PRKCB: variants seen among roughly 807,000 people sequenced by gnomAD.
PRKCB encodes protein kinase C beta, also known as protein kinase C beta type.
In PRKCB, 13 loss-of-function variants were observed where a neutral mutation model predicts 81.5. The ratio of observed to expected loss-of-function variants is 0.16; its 90% CI spans 0.10 to 0.25. PRKCB has a LOEUF of 0.25. Ranked by LOEUF, PRKCB falls within the 10% of genes least tolerant of loss-of-function variation. The probability of loss-of-function intolerance (pLI) is 1.00; values close to 1 mark genes in which losing one functional copy is unlikely to be tolerated. For synonymous variants in PRKCB, 335 were observed against 321.4 expected, an observed-to-expected ratio of 1.04 and a Z score of -0.45; for missense variants, 509 against 875.7, an observed-to-expected ratio of 0.58 and a Z score of 5.29.
intron 7 of PRKCB, among the ~76,000 whole-genome samples, chr16:24,112,018 G>A (rs1269806310): frequency 1.2e-4 from 18 of 152,220 alleles, no homozygotes; most frequent in Admixed American, 1.1e-3. Context: ...TATGAGATGA[G>A]ATTTGCACCC....
chr16:24,057,695 G>A (rs1405720648), intron 5 of PRKCB, among the ~76,000 whole-genome samples: 1 of 152,124 alleles, frequency 6.6e-6, no homozygotes, highest in Non-Finnish European at 1.5e-5. Flanking sequence ...CAACCCATGG[G>A]GTTGTGATAG....
chr16:24,082,331 A>AG (rs1392600828), intron 5 of PRKCB, among the ~76,000 whole-genome samples: 1 of 152,224 alleles, frequency 6.6e-6, no homozygotes, highest in Admixed American at 6.5e-5. Context: ...AAATCCCAGC[A>AG]GGATTTTTTG....
intron 2 of PRKCB, among the ~76,000 whole-genome samples, chr16:23,874,568 C>CTTTTTT (rs58560122): frequency 7.5e-5 from 10 of 133,050 alleles, no homozygotes; most frequent in African/African-American, 1.1e-4. Context: ...ATTCTTCTCT[C>CTTTTTT]TTTTTTTTTT....
intron 7 of PRKCB, among the ~76,000 whole-genome samples, chr16:24,096,511 A>T (rs913117331): frequency 1.3e-4 from 20 of 151,582 alleles, no homozygotes; most frequent in African/African-American, 4.8e-4. Context: ...CCACTGTCAG[A>T]TGGTGTCTGA....
intron 2 of PRKCB, among the ~76,000 whole-genome samples, chr16:23,875,083 C>T (rs1463186361): frequency 6.9e-6 from 1 of 144,616 alleles, no homozygotes; most frequent in Non-Finnish European, 1.5e-5. Context: ...GTTGCCCAGG[C>T]TGGAGTGTGG....
chr16:24,076,690 T>C (rs1192069754), intron 5 of PRKCB, among the ~76,000 whole-genome samples: 1 of 152,190 alleles, frequency 6.6e-6, no homozygotes, highest in African/African-American at 2.4e-5. Context: ...CAAGTGTGCC[T>C]TTAACTCACT....
chr16:24,012,503 T>C (rs1334454340), intron 3 of PRKCB, among the ~76,000 whole-genome samples: 2 of 152,204 alleles, frequency 1.3e-5, no homozygotes, highest in African/African-American at 4.8e-5. Context: ...TCTCCCTGCT[T>C]CCTCTCTGTC....
At chr16:24,193,464 T>TAAATA (rs375658046) in intron 16 of PRKCB, among the ~76,000 whole-genome samples, 15,843 of 96,098 alleles carry the variant, frequency 0.16, 1,109 homozygotes, top group Admixed American at 0.23. Context: ...AATAAATAAA[T>TAAATA]AAATAAATAA....
Position 24,157,352 on chromosome 16 carries a change from G to A in PRKCB, c.1239+2495G>A, listed in dbSNP as rs550592296. Among the ~76,000 whole-genome samples, 8 of 152,270 alleles carry A rather than the reference G, an allele frequency of 5.3e-5. No individual in the cohort carries two copies. In the South Asian group the frequency reaches 8.3e-4, roughly 16 times the overall value. On this transcript the variant is annotated intron_variant, in intron 10 of 16. Coordinates refer to ENST00000643927, the MANE Select transcript of PRKCB (RefSeq NM_002738.7). ...ATGTCGTGGGAGGGACCAAGTGGGA[G>A]GTAATTGAATCATGGGGGCGGTTAC...
chr16:24,119,348 C>G (rs184469957), intron 8 of PRKCB, among the ~76,000 whole-genome samples: 6 of 152,074 alleles, frequency 3.9e-5, no homozygotes, highest in African/African-American at 1.4e-4. Flanking sequence ...CTTCCCACCC[C>G]CCCAAAAAAG....
chr16:23,862,245 A>T (rs1425767822), intron 2 of PRKCB, among the ~76,000 whole-genome samples: 2 of 152,180 alleles, frequency 1.3e-5, no homozygotes, highest in Non-Finnish European at 2.9e-5. Flanking sequence ...CTCAGATGTC[A>T]GTTCTGTTTT....
intron 10 of PRKCB, among the ~76,000 whole-genome samples, chr16:24,162,156 T>A (rs1439696497): frequency 6.6e-6 from 1 of 152,044 alleles, no homozygotes; most frequent in Admixed American, 6.6e-5. Context: ...GAACGTCAAT[T>A]CAGAATGCAA....
At position 24,032,142 on chromosome 16, in the gene PRKCB, C is replaced by T. The variant is rs867672863; in HGVS notation, c.295C>T (p.Arg99Cys). ...TTGTTTCTCTTGGCTCCAGGACCCC[C>T]GCAGCAAACACAAGTTTAAGATCCA... ...ADKGPASDDP[R>C]SKHKFKIHTY... The change falls in exon 4 of 17, where the codon CGC becomes TGC. Residue 99 changes from arginine to cysteine, a missense_variant. This residue lies in a region of PRKCB where 184 missense variants were observed against 362.9 expected (regional missense o/e 0.51). Transcript: ENST00000643927. 1.2e-6 allele frequency: 2 copies of T among 1,612,014 alleles called. No individual in the cohort carries two copies. The highest frequency in any genetic ancestry group is 1.7e-6 in the Non-Finnish European group (2 of 1,178,346).
At chr16:23,981,642 T>C (rs374184564) in intron 2 of PRKCB, among the ~76,000 whole-genome samples, 5 of 126,432 alleles carry the variant, frequency 4.0e-5, no homozygotes, top group African/African-American at 1.2e-4. Flanking sequence ...TTCCCTTTCT[T>C]TTCTCCTTCC....
intron 3 of PRKCB, among the ~76,000 whole-genome samples, chr16:24,017,637 T>C (rs956793607): frequency 3.9e-5 from 6 of 152,166 alleles, no homozygotes; most frequent in African/African-American, 1.4e-4. Flanking sequence ...CCTTAAATAA[T>C]ACACAGGAAA....
Position 24,217,789 on chromosome 16 carries a change from T to C in PRKCB, c.*2973T>C, listed in dbSNP as rs905093298. On this transcript the variant is annotated 3_prime_UTR_variant, in exon 17 of 17. Coordinates refer to ENST00000643927, the MANE Select transcript of PRKCB (RefSeq NM_002738.7). Reference sequence around the variant, plus strand: ...GACCTAAAAAAAAGGCAGCTTTGTGTCTTCTAGCTCCAAATATACCTGCCT... The same window carrying C: ...GACCTAAAAAAAAGGCAGCTTTGTGCCTTCTAGCTCCAAATATACCTGCCT... 4.1e-6 allele frequency: 4 copies of C among 985,370 alleles called. No individual in the cohort carries two copies. The highest frequency in any genetic ancestry group is 6.1e-5 in the Admixed American group (1 of 16,276). 61.0% of individuals were successfully genotyped at this position (985,370 alleles called of 1,614,324 possible).
chr16:24,151,515 C>T (rs1467189051), intron 9 of PRKCB, among the ~76,000 whole-genome samples: 1 of 152,184 alleles, frequency 6.6e-6, no homozygotes, highest in African/African-American at 2.4e-5. Context: ...GCCTGAGCTA[C>T]AGTAACTGAC....
chr16:24,119,644 T>C (rs1966775261), intron 8 of PRKCB, among the ~76,000 whole-genome samples: 1 of 151,898 alleles, frequency 6.6e-6, no homozygotes, highest in Admixed American at 6.6e-5. Context: ...TCAGGCCAGC[T>C]TGGGGGTGAT....
chr16:24,099,641 A>T (rs1966479927), intron 7 of PRKCB: 1 of 152,220 alleles, frequency 6.6e-6, no homozygotes, highest in Non-Finnish European at 1.5e-5. Context: ...AGTTGGTTAG[A>T]GTAAGACTTT....
Sources: gnomAD v4.1 joint callset for allele counts (sites outside exome capture counted in the v4.1 genomes callset) on GRCh38, gnomAD v4.1.1 for gene constraint, gnomAD v4.1.1 regional missense constraint, MANE v1.5 for transcripts, NCBI Gene and HGNC (gene_info 2026-07-23, HGNC 2026-07-21) for gene names.